The following FLACC1 variants were observed in gnomAD, a reference collection of about 807,000 sequenced individuals.
FLACC1 encodes the protein flagellum-associated coiled-coil domain-containing protein 1.
FLACC1 carries 66 observed loss-of-function variants against 62.8 expected under a neutral mutation model. The observed-to-expected ratio is 1.05, with a 90% CI of 0.86 to 1.29. The LOEUF (loss-of-function observed/expected upper bound fraction) is 1.29, where lower values mean the gene tolerates loss of function less well. FLACC1 is among the 50% of genes most tolerant of loss of function. FLACC1 has a pLI of 0.00. For synonymous variants in FLACC1, 156 were observed against 161.0 expected (o/e 0.97, Z 0.24); for missense variants, 452 against 489.1 (o/e 0.92, Z 0.71).
chr2:201,363,466 T>G, the FLACC1 span, among the ~76,000 whole-genome samples: 9 of 152,218 alleles, frequency 5.9e-5, no homozygotes, highest in African/African-American at 2.2e-4. Context: ...CTTGCTCATC[T>G]GGTTCAGCAG....
At chr2:201,335,799 C>A (rs1361671369) in intron 7 of FLACC1, among the ~76,000 whole-genome samples, 1 of 152,122 alleles carries the variant, frequency 6.6e-6, no homozygotes, top group Non-Finnish European at 1.5e-5. Flanking sequence ...TTCTTCCAAT[C>A]CATGAACATG....
At chr2:201,329,213 C>G (rs913751996) in intron 9 of FLACC1, among the ~76,000 whole-genome samples, 1 of 152,098 alleles carries the variant, frequency 6.6e-6, no homozygotes, top group African/African-American at 2.4e-5. Flanking sequence ...CACTAATCAT[C>G]AGAGAAATGC....
intron 7 of FLACC1, among the ~76,000 whole-genome samples, chr2:201,338,640 T>C (rs978794924): frequency 2.0e-5 from 3 of 152,218 alleles, no homozygotes; most frequent in African/African-American, 7.2e-5. Context: ...TATTATGAAA[T>C]GCTTTTTCTG....
At chr2:201,337,484 C>T (rs1455005825) in intron 7 of FLACC1, among the ~76,000 whole-genome samples, 2 of 152,086 alleles carry the variant, frequency 1.3e-5, no homozygotes, top group Non-Finnish European at 2.9e-5. Context: ...CTATTCTGTT[C>T]CATGCTTTAT....
chr2:201,304,301 A>C (rs1950054828), intron 11 of FLACC1, among the ~76,000 whole-genome samples: 1 of 152,170 alleles, frequency 6.6e-6, no homozygotes, highest in Admixed American at 6.5e-5. Context: ...ACAAACAGAG[A>C]GCCAAATCAT....
At position 201,323,805 on chromosome 2, in the gene FLACC1, T is replaced by TAAAAAAAAAA. The variant is rs1576447085; in HGVS notation, c.675+6664_675+6665insTTTTTTTTTT. 4.4e-3 allele frequency among the ~76,000 whole-genome samples: 348 copies of TAAAAAAAAAA among 79,086 alleles called. 15 individuals are homozygous for TAAAAAAAAAA. Among genetic ancestry groups the TAAAAAAAAAA allele is most frequent in the African/African-American group, 0.015 (318 of 21,198 alleles). 51.9% of individuals were successfully genotyped at this position (79,086 alleles called of 152,430 possible). ...CTATCAAAAAAAAAAAAAAAAAAAG[T>TAAAAAAAAAA]AAGGAAGGAAGGAAGGAAAGAAAAG... On this transcript the variant is annotated intron_variant, in intron 9 of 14. Coordinates refer to ENST00000392257, the MANE Select transcript of FLACC1 (RefSeq NM_001127391.3).
chr2:201,317,143 C>T (rs1324733991), intron 9 of FLACC1, among the ~76,000 whole-genome samples: 9 of 152,120 alleles, frequency 5.9e-5, no homozygotes, highest in Admixed American at 5.9e-4. Context: ...TGGAACATGA[C>T]AAGGATGCCC....
chr2:201,321,699 G>C (rs2080304), intron 9 of FLACC1, among the ~76,000 whole-genome samples: 90,642 of 151,974 alleles, frequency 0.6, 27,331 homozygotes, highest in South Asian at 0.76. Flanking sequence ...AAAAGAGGTG[G>C]CTGTCTGGAG....
intron 3 of FLACC1, among the ~76,000 whole-genome samples, chr2:201,350,242 G>A (rs1312972561): frequency 2.0e-5 from 3 of 151,782 alleles, no homozygotes. Flanking sequence ...AAAATTACGT[G>A]GGCATGGTAA....
upstream of FLACC1, among the ~76,000 whole-genome samples, chr2:201,357,552 T>C (rs531921808): frequency 1.3e-5 from 2 of 152,362 alleles, no homozygotes; most frequent in South Asian, 4.1e-4. Flanking sequence ...TCCACTTTCG[T>C]CATCAGTCAT....
intron 12 of FLACC1, 116 bp from the exon 13 acceptor site, chr2:201,289,901 C>A: frequency 6.4e-7 from 1 of 1,566,962 alleles, no homozygotes; most frequent in Non-Finnish European, 8.7e-7. Flanking sequence ...TTGCATCACT[C>A]ATGGCCACTC....
intron 7 of FLACC1, among the ~76,000 whole-genome samples, chr2:201,341,811 C>T (rs1469568394): frequency 6.6e-6 from 1 of 152,166 alleles, no homozygotes; most frequent in Non-Finnish European, 1.5e-5. Context: ...TGATCAATAT[C>T]TCCCCATTTT....
chr2:201,351,073 C>T (rs933504170), intron 2 of FLACC1, among the ~76,000 whole-genome samples: 7 of 152,224 alleles, frequency 4.6e-5, no homozygotes, highest in African/African-American at 1.7e-4. Context: ...GTTGCACCAA[C>T]ACTGAGACTT....
At chr2:201,316,392 C>G (rs1352072874) in intron 9 of FLACC1, among the ~76,000 whole-genome samples, 1 of 152,090 alleles carries the variant, frequency 6.6e-6, no homozygotes, top group Non-Finnish European at 1.5e-5. Context: ...ACTGACACCA[C>G]AGAAATACAA....
At position 201,330,719 on chromosome 2, in the gene FLACC1, C is replaced by T; in HGVS notation, c.622+17G>A. Reference sequence around the variant, plus strand: ...TGGACCTTCATCCAGGGTCATTCTCCCAGGTCCCAGCAGTACCTAGCTTCT... The same window carrying T: ...TGGACCTTCATCCAGGGTCATTCTCTCAGGTCCCAGCAGTACCTAGCTTCT... On this transcript the variant is annotated intron_variant, in intron 8 of 14. Coordinates refer to ENST00000392257, the MANE Select transcript of FLACC1 (RefSeq NM_001127391.3). The T allele has an allele frequency of 1.2e-6, 2 of 1,612,274 alleles. No homozygotes were observed. The highest frequency in any genetic ancestry group is 1.1e-5 in the South Asian group (1 of 90,918).
intron 12 of FLACC1, among the ~76,000 whole-genome samples, chr2:201,290,391 T>A (rs1452169489): frequency 6.8e-6 from 1 of 146,980 alleles, no homozygotes; most frequent in African/African-American, 2.5e-5. Context: ...TAGGGTGGGG[T>A]GGGGTAGTAT....
intron 7 of FLACC1, among the ~76,000 whole-genome samples, chr2:201,333,103 C>T (rs1333845172): frequency 1.3e-5 from 2 of 152,128 alleles, no homozygotes; most frequent in Admixed American, 6.5e-5. Context: ...TATGGTATTA[C>T]TATTTTTAGT....
chr2:201,294,057 G>C (rs1051208243), intron 12 of FLACC1, among the ~76,000 whole-genome samples: 4 of 152,138 alleles, frequency 2.6e-5, no homozygotes, highest in South Asian at 4.1e-4. Flanking sequence ...AAAAGTCCAG[G>C]ACCAGATGGA....
In FLACC1 at chr2:201,288,579, A is replaced by T. The variant is rs1022575856; in HGVS notation, c.*76T>A. 1.3e-6 allele frequency: 2 copies of T among 1,542,844 alleles called. No individual in the cohort carries two copies. The highest frequency in any genetic ancestry group is 1.8e-6 in the Non-Finnish European group (2 of 1,140,380). Reference sequence around the variant, plus strand: ...ACTCATTATATGCATTTTCTCAAGAAAACCCTCCCAGGAGTTTCCTGGGCC... The same window carrying T: ...ACTCATTATATGCATTTTCTCAAGATAACCCTCCCAGGAGTTTCCTGGGCC... On this transcript the variant is annotated 3_prime_UTR_variant, in exon 15 of 15. Coordinates refer to ENST00000392257, the MANE Select transcript of FLACC1 (RefSeq NM_001127391.3).
Sources: gnomAD v4.1 joint callset for allele counts (sites outside exome capture counted in the v4.1 genomes callset) on GRCh38, gnomAD v4.1.1 for gene constraint, MANE v1.5 for transcripts, NCBI Gene and HGNC (gene_info 2026-07-23, HGNC 2026-07-21) for gene names.